The following RALA variants were observed in gnomAD, a reference collection of about 807,000 sequenced individuals.
RALA encodes ras-related protein Ral-A.
In RALA, 5 loss-of-function variants were observed where a neutral mutation model predicts 24.0. The ratio of observed to expected loss-of-function variants is 0.21; its 90% CI spans 0.11 to 0.44. The LOEUF (loss-of-function observed/expected upper bound fraction) is 0.44. Ranked by LOEUF, RALA falls within the 20% of genes least tolerant of loss-of-function variation. RALA has a pLI of 0.99. For synonymous variants in RALA, 77 were observed against 83.8 expected (o/e 0.92, Z 0.44); for missense variants, 95 against 241.2 (o/e 0.39, Z 4.01).
chr7:39,694,714 CAAG>C (rs1275761616), intron 3 of RALA, among the ~76,000 whole-genome samples: 1 of 151,868 alleles, frequency 6.6e-6, no homozygotes, highest in East Asian at 1.9e-4. Flanking sequence ...GAAAATAAGG[CAAG>C]AAGATTTTTC....
At chr7:39,676,770 G>A (rs936630040) in intron 1 of RALA, among the ~76,000 whole-genome samples, 2 of 152,212 alleles carry the variant, frequency 1.3e-5, no homozygotes, top group South Asian at 2.1e-4. Context: ...TTGAAAAAAC[G>A]GGTTGATTGT....
intron 1 of RALA, among the ~76,000 whole-genome samples, chr7:39,672,668 G>T (rs1174132475): frequency 6.9e-6 from 1 of 145,224 alleles, no homozygotes; most frequent in Non-Finnish European, 1.5e-5. Context: ...AAAAAAAGAT[G>T]CATGCACTGA....
chr7:39,698,929 T>A (rs990076841), intron 4 of RALA, among the ~76,000 whole-genome samples: 1 of 152,024 alleles, frequency 6.6e-6, no homozygotes, highest in Non-Finnish European at 1.5e-5. Context: ...AAAAGGGAAG[T>A]ACAACTTTAA....
At chr7:39,675,334 T>C (rs73689257) in intron 1 of RALA, among the ~76,000 whole-genome samples, 2 of 152,326 alleles carry the variant, frequency 1.3e-5, no homozygotes, top group South Asian at 4.1e-4. Context: ...TTTCTACTTG[T>C]GGCATCATGT....
intron 1 of RALA, among the ~76,000 whole-genome samples, chr7:39,667,342 T>A (rs527848989): frequency 6.6e-6 from 1 of 152,212 alleles, no homozygotes; most frequent in African/African-American, 2.4e-5. Context: ...CCCAACTCCC[T>A]GTGAAAAGAC....
intron 1 of RALA, among the ~76,000 whole-genome samples, chr7:39,633,686 A>G (rs1791636828): frequency 6.6e-6 from 1 of 152,200 alleles, no homozygotes; most frequent in Non-Finnish European, 1.5e-5. Context: ...CCTAGAGTAC[A>G]TATCTGTGGG....
At chr7:39,625,506 T>C (rs1366620930) in intron 1 of RALA, among the ~76,000 whole-genome samples, 1 of 152,244 alleles carries the variant, frequency 6.6e-6, no homozygotes, top group African/African-American at 2.4e-5. Context: ...AGAATGCTTA[T>C]AGTGGTTCAT....
At chr7:39,696,659 T>C (rs1011191705) in intron 3 of RALA, 26 bp from the exon 4 acceptor site, 16 of 1,543,992 alleles carry the variant, frequency 1.0e-5, no homozygotes, top group Admixed American at 3.9e-5. Flanking sequence ...AATGTTAATA[T>C]TTCTTTTTCA....
chr7:39,626,094 A>C (rs556208976), intron 1 of RALA, among the ~76,000 whole-genome samples: 201 of 152,356 alleles, frequency 1.3e-3, no homozygotes, highest in African/African-American at 4.5e-3. Flanking sequence ...AAAATATTTT[A>C]ACTCTTAGAC....
At chr7:39,692,203 C>T (rs1162386413) in intron 3 of RALA, among the ~76,000 whole-genome samples, 2 of 152,158 alleles carry the variant, frequency 1.3e-5, no homozygotes, top group African/African-American at 2.4e-5. Context: ...ATCAGCTCCT[C>T]CCTTTAGCCT....
intron 1 of RALA, among the ~76,000 whole-genome samples, chr7:39,680,995 G>A (rs1300705252): frequency 6.6e-6 from 1 of 152,068 alleles, no homozygotes; most frequent in Admixed American, 6.5e-5. Context: ...CCTATTCTTT[G>A]CATTGTCTTA....
In RALA at chr7:39,707,527, G is replaced by A. The variant is rs1793140311; in HGVS notation, c.*1282G>A. ...ACACATTAGGCTGTGTCACCATTGT[G>A]TGGTGTACCTGCTGGAAGAATTCTA... On this transcript the variant is annotated 3_prime_UTR_variant, in exon 5 of 5. Coordinates refer to ENST00000005257, the MANE Select transcript of RALA (RefSeq NM_005402.4). 1 of 152,110 alleles carries A rather than the reference G, an allele frequency of 6.6e-6. No individual in the cohort carries two copies. The highest frequency in any genetic ancestry group is 1.5e-5 in the Non-Finnish European group (1 of 68,034). 9.4% of individuals were successfully genotyped at this position (152,110 alleles called of 1,614,324 possible). A position where few individuals can be genotyped will look rare whatever the true frequency, so the allele number is the denominator to read the frequency against.
chr7:39,639,058 T>A (rs1791734762), intron 1 of RALA, among the ~76,000 whole-genome samples: 1 of 152,212 alleles, frequency 6.6e-6, no homozygotes, highest in Non-Finnish European at 1.5e-5. Context: ...TCACTTAATG[T>A]CATAGGTAGG....
intron 1 of RALA, among the ~76,000 whole-genome samples, chr7:39,683,877 C>T (rs927404259): frequency 4.7e-5 from 7 of 149,086 alleles, no homozygotes; most frequent in Admixed American, 4.7e-4. Flanking sequence ...ACACACAACT[C>T]TTAGAGTATT....
chr7:39,697,001 A>G (rs770359870), intron 4 of RALA, 142 bp downstream of exon 4: 43 of 804,614 alleles, frequency 5.3e-5, no homozygotes, highest in Non-Finnish European at 7.6e-5. Flanking sequence ...GAATACTCAG[A>G]TACATGTTAG....
At chr7:39,691,682 T>G (rs1402005432) in intron 3 of RALA, among the ~76,000 whole-genome samples, 1 of 152,220 alleles carries the variant, frequency 6.6e-6, no homozygotes, top group Admixed American at 6.5e-5. Context: ...GAGAGCATTC[T>G]TTGCAAAAAG....
chr7:39,675,734 G>C (rs1331483305), intron 1 of RALA, among the ~76,000 whole-genome samples: 1 of 130,316 alleles, frequency 7.7e-6, no homozygotes. Flanking sequence ...CCATGTCTGG[G>C]AAATTAAAAA....
intron 4 of RALA, chr7:39,697,378 C>G (rs942773032): frequency 2.2e-6 from 1 of 456,702 alleles, no homozygotes. Flanking sequence ...AACACTCTGC[C>G]CTCCTTTCTT....
chr7:39,623,591 C>A lies in RALA; in HGVS notation c.-272C>A, dbSNP rs1415545425. ...TGATCTGTGGCGGCTGCTGCAGAGC[C>A]GCCAGGAGGAGGGTGGATCTCCCCA... On this transcript the variant is annotated 5_prime_UTR_variant, in exon 1 of 5. Transcript: ENST00000005257. The surrounding 1 kb of genome is among the most constrained non-coding windows in gnomAD (Gnocchi z 4.9). The A allele has an allele frequency of 1.3e-5, 2 of 152,638 alleles. No individual in the cohort carries two copies. The allele number at this position is 152,638 out of a possible 1,614,324, so 9.5% of individuals were successfully genotyped here. A position where few individuals can be genotyped will look rare whatever the true frequency, so the allele number is the denominator to read the frequency against.
Sources: gnomAD v4.1 joint callset for allele counts (sites outside exome capture counted in the v4.1 genomes callset) on GRCh38, gnomAD v4.1.1 for gene constraint, Gnocchi (gnomAD v3.1) non-coding constraint, MANE v1.5 for transcripts, NCBI Gene and HGNC (gene_info 2026-07-23, HGNC 2026-07-21) for gene names.